The following ADGRL3 variants were observed in gnomAD, a reference collection of about 807,000 sequenced individuals.
ADGRL3 encodes adhesion G protein-coupled receptor L3.
A neutral mutation model predicts 153.5 loss-of-function variants in ADGRL3; 62 were observed. The ratio of observed to expected loss-of-function variants is 0.40; its 90% CI spans 0.33 to 0.50. The LOEUF (loss-of-function observed/expected upper bound fraction) is 0.50. Ranked by LOEUF, ADGRL3 falls within the 20% of genes least tolerant of loss-of-function variation. ADGRL3 has a pLI of 0.47. For synonymous variants in ADGRL3, 710 were observed against 672.5 expected (o/e 1.06, Z -0.86); for missense variants, 1,641 against 1,859.4 (o/e 0.88, Z 2.16).
intron 17 of ADGRL3, among the ~76,000 whole-genome samples, chr4:61,971,547 C>T (rs1475131850): frequency 1.3e-5 from 2 of 152,074 alleles, no homozygotes; most frequent in Non-Finnish European, 2.9e-5. Context: ...TTTCTTAATC[C>T]AGTCTATCAT....
At chr4:62,046,524 C>G (rs1340511564) in intron 25 of ADGRL3, among the ~76,000 whole-genome samples, 1 of 151,674 alleles carries the variant, frequency 6.6e-6, no homozygotes, top group Non-Finnish European at 1.5e-5. Flanking sequence ...TTTATATTGG[C>G]CGGTCATATG....
At chr4:61,231,053 C>G (rs181901277) in intron 1 of ADGRL3, among the ~76,000 whole-genome samples, 61 of 152,220 alleles carry the variant, frequency 4.0e-4, no homozygotes, top group Admixed American at 2.0e-3. Context: ...TAACATACCA[C>G]TAATGAATTA....
At chr4:61,819,218 G>A (rs1431884781) in intron 9 of ADGRL3, among the ~76,000 whole-genome samples, 2 of 152,068 alleles carry the variant, frequency 1.3e-5, no homozygotes, top group African/African-American at 4.8e-5. Flanking sequence ...AAGAGAGCGA[G>A]TTTCTCTTGT....
intron 2 of ADGRL3, among the ~76,000 whole-genome samples, chr4:61,446,270 T>C (rs956468187): frequency 6.6e-6 from 1 of 152,198 alleles, no homozygotes; most frequent in Non-Finnish European, 1.5e-5. Flanking sequence ...TTAGGAGCAA[T>C]AATGTATTCT....
intron 17 of ADGRL3, among the ~76,000 whole-genome samples, chr4:61,960,502 T>A (rs1359025183): frequency 1.3e-5 from 2 of 152,180 alleles, no homozygotes; most frequent in Non-Finnish European, 2.9e-5. Context: ...GTTTGGGTTT[T>A]ACTCTGAGCA....
intron 13 of ADGRL3, among the ~76,000 whole-genome samples, chr4:61,933,122 C>T (rs955296176): frequency 2.0e-5 from 3 of 151,980 alleles, no homozygotes; most frequent in Admixed American, 6.6e-5. Flanking sequence ...AATGGCTGCT[C>T]CATAAGGAAC....
chr4:61,921,639 C>A (rs2098769769), intron 13 of ADGRL3, among the ~76,000 whole-genome samples: 1 of 152,196 alleles, frequency 6.6e-6, no homozygotes, highest in Non-Finnish European at 1.5e-5. Context: ...ATCTCCTGAC[C>A]TCGTGATTCA....
rs540467502 is a variant in ADGRL3, at chr4:61,647,143, G to A, written c.474-29683G>A. Among the ~76,000 whole-genome samples the A allele has an allele frequency of 1.9e-4, 29 of 152,120 alleles. No individual in the cohort carries two copies. In the South Asian group the frequency reaches 5.8e-3, roughly 30 times the overall value. On this transcript the variant is annotated intron_variant, in intron 5 of 26. Coordinates refer to ENST00000683033, the MANE Select transcript of ADGRL3 (RefSeq NM_001387552.1). Reference sequence around the variant, plus strand: ...CCTCGCCCTGCTTCAGCTCCTGCGCGGTGCACTGCACCCACTGGCCTGCGC... The same window carrying A: ...CCTCGCCCTGCTTCAGCTCCTGCGCAGTGCACTGCACCCACTGGCCTGCGC...
At chr4:62,007,779 C>T (rs571479156) in intron 21 of ADGRL3, among the ~76,000 whole-genome samples, 6 of 152,016 alleles carry the variant, frequency 3.9e-5, no homozygotes, top group South Asian at 4.2e-4. Flanking sequence ...CTTGGGAAAA[C>T]GGGTCAGGGT....
intron 4 of ADGRL3, among the ~76,000 whole-genome samples, chr4:61,567,889 G>T (rs529007605): frequency 1.3e-5 from 2 of 152,054 alleles, no homozygotes; most frequent in African/African-American, 4.8e-5. Context: ...TAAACATGAC[G>T]TTTTGTCTTC....
rs546360496 is a variant in ADGRL3, at chr4:61,767,151, T to TG, written c.1399+33602dup. 4.7e-3 allele frequency among the ~76,000 whole-genome samples: 714 copies of TG among 151,366 alleles called. 9 individuals carry two copies. Among genetic ancestry groups the TG allele is most frequent in the African/African-American group, 0.016 (668 of 41,130 alleles). ...GTATCTTATACTTGTGGGTTAAGGT[T>TG]GGGGGATACAAGAGGAGGACCCAAA... On this transcript the variant is annotated intron_variant, in intron 8 of 26. Coordinates refer to ENST00000683033, the MANE Select transcript of ADGRL3 (RefSeq NM_001387552.1).
At chr4:61,883,150 G>A (rs1046165164) in intron 9 of ADGRL3, among the ~76,000 whole-genome samples, 5 of 151,956 alleles carry the variant, frequency 3.3e-5, no homozygotes, top group Non-Finnish European at 4.4e-5. Context: ...TTTGCAAGTC[G>A]CCTCCCCCAA....
intron 1 of ADGRL3, among the ~76,000 whole-genome samples, chr4:61,213,073 C>G (rs1359561635): frequency 1.3e-5 from 2 of 152,004 alleles, no homozygotes; most frequent in Non-Finnish European, 2.9e-5. Flanking sequence ...TGTGTGTTTT[C>G]TTCCTTGAAT....
chr4:61,366,589 G>A (rs1231112240), intron 1 of ADGRL3, among the ~76,000 whole-genome samples: 1 of 152,094 alleles, frequency 6.6e-6, no homozygotes. Context: ...GGCTTAATTG[G>A]ATCAACTTGC....
intron 8 of ADGRL3, among the ~76,000 whole-genome samples, chr4:61,802,946 C>G (rs964058655): frequency 6.6e-6 from 1 of 152,008 alleles, no homozygotes; most frequent in African/African-American, 2.4e-5. Flanking sequence ...CCACATGAGG[C>G]AAGCTAATAT....
At chr4:61,388,933 C>T (rs1021025349) in intron 2 of ADGRL3, among the ~76,000 whole-genome samples, 8 of 152,292 alleles carry the variant, frequency 5.3e-5, no homozygotes, top group Non-Finnish European at 1.0e-4. Context: ...CATCTCCTGC[C>T]TTATTTTTTC....
At chr4:61,774,242 AGCT>A (rs2097119881) in intron 8 of ADGRL3, among the ~76,000 whole-genome samples, 1 of 151,788 alleles carries the variant, frequency 6.6e-6, no homozygotes, top group Non-Finnish European at 1.5e-5. Flanking sequence ...CTATAATCCC[AGCT>A]ACTCAGGAGG....
At position 61,520,336 on chromosome 4, in the gene ADGRL3, A is replaced by T. The variant is rs184144009; in HGVS notation, c.259+2818A>T. On this transcript the variant is annotated intron_variant, in intron 4 of 26. Coordinates refer to ENST00000683033, the MANE Select transcript of ADGRL3 (RefSeq NM_001387552.1). ...TTGTTTATCTCCATGCAGCTGCATTAAAAAAGTTCATTGAGAAGATCTACA... is the reference window on the plus strand; with the variant it reads ...TTGTTTATCTCCATGCAGCTGCATTTAAAAAGTTCATTGAGAAGATCTACA... Among the ~76,000 whole-genome samples, 1,184 of 152,218 alleles carry T rather than the reference A, an allele frequency of 7.8e-3. 10 individuals carry two copies. The highest frequency in any genetic ancestry group is 0.013 in the Non-Finnish European group (896 of 68,008).
chr4:61,784,118 C>G (rs1367927676), intron 8 of ADGRL3, among the ~76,000 whole-genome samples: 1 of 152,042 alleles, frequency 6.6e-6, no homozygotes, highest in East Asian at 1.9e-4. Flanking sequence ...CTCTCTTGCT[C>G]AATATTTTTC....
Sources: gnomAD v4.1 joint callset for allele counts (sites outside exome capture counted in the v4.1 genomes callset) on GRCh38, gnomAD v4.1.1 for gene constraint, MANE v1.5 for transcripts, NCBI Gene and HGNC (gene_info 2026-07-23, HGNC 2026-07-21) for gene names.